Variants in CDH8 observed in about 807,000 individuals in gnomAD.
CDH8 encodes cadherin 8.
In CDH8, 17 loss-of-function variants were observed where a neutral mutation model predicts 68.1. The observed-to-expected ratio is 0.25, with a 90% confidence interval of 0.17 to 0.37. The LOEUF (loss-of-function observed/expected upper bound fraction) is 0.37, where lower values mean the gene tolerates loss of function less well. Among genes scored for constraint, CDH8 ranks in the 10% least tolerant of loss-of-function variants. The pLI, the probability that CDH8 is intolerant of heterozygous loss-of-function variation, is 1.00. For missense variants in CDH8, 763 were observed against 999.3 expected (o/e 0.76, Z 3.19); for synonymous variants, 372 against 365.1 (o/e 1.02, Z -0.21).
intron 8 of CDH8, among the ~76,000 whole-genome samples, chr16:61,784,033 G>A (rs923971480): frequency 2.6e-5 from 4 of 151,900 alleles, no homozygotes; most frequent in East Asian, 1.9e-4. Context: ...ATCAACTAAC[G>A]AGCAAAATCA....
intron 7 of CDH8, among the ~76,000 whole-genome samples, chr16:61,793,385 A>AT (rs1245291192): frequency 4.6e-5 from 7 of 151,462 alleles, no homozygotes; most frequent in Non-Finnish European, 2.9e-5. Context: ...TCCATTAGTT[A>AT]TTTTTTCTGA....
In CDH8 at chr16:61,647,999, A is replaced by T. The variant is rs1963241983; in HGVS notation, c.*5609T>A. On this transcript the variant is annotated 3_prime_UTR_variant, in exon 12 of 12. Transcript: ENST00000577390. ...GGTGGCAGGTAACTCAAGTTGGGGA[A>T]ATAGTACCCAAAGGCACTATTTTCA... The T allele has an allele frequency of 1.6e-6, 1 of 611,134 alleles. No individual in the cohort carries two copies. The allele number at this position is 611,134 out of a possible 1,614,324, so 37.9% of individuals were successfully genotyped here. A position where few individuals can be genotyped will look rare whatever the true frequency, so the allele number is the denominator to read the frequency against.
intron 10 of CDH8, among the ~76,000 whole-genome samples, chr16:61,703,104 C>T (rs183451943): frequency 6.6e-4 from 101 of 152,156 alleles, no homozygotes; most frequent in Non-Finnish European, 1.1e-3. Context: ...TGTAAACATG[C>T]TTCCTAATTT....
chr16:61,991,091 T>G (rs1278878334), intron 2 of CDH8, among the ~76,000 whole-genome samples: 1 of 152,168 alleles, frequency 6.6e-6, no homozygotes, highest in African/African-American at 2.4e-5. Context: ...GACTCTCACC[T>G]CTGTGACTCC....
intron 2 of CDH8, among the ~76,000 whole-genome samples, chr16:61,942,990 G>A (rs1964747206): frequency 6.6e-6 from 1 of 152,148 alleles, no homozygotes; most frequent in African/African-American, 2.4e-5. Flanking sequence ...AGTCCGGGAG[G>A]CAGAGGTTGC....
intron 9 of CDH8, among the ~76,000 whole-genome samples, chr16:61,724,938 A>G (rs1435969774): frequency 6.6e-6 from 1 of 150,886 alleles, no homozygotes; most frequent in Non-Finnish European, 1.5e-5. Flanking sequence ...AAGGAATAAA[A>G]CCTGAATTCT....
At position 62,036,429 on chromosome 16, in the gene CDH8, A is replaced by G. The variant is rs1902462512; in HGVS notation, c.-549T>C. On this transcript the variant is annotated 5_prime_UTR_variant, in exon 1 of 12. Transcript: ENST00000577390. ...GCGTGCGAGCCCGCCTGCCTGCCAA[A>G]TGTAACTGTGAAGTGATGTGGAAAA... 1 of 152,498 alleles carries G rather than the reference A, an allele frequency of 6.6e-6. No individual in the cohort carries two copies. Among genetic ancestry groups the G allele is most frequent in the Admixed American group, 6.5e-5 (1 of 15,288 alleles). 9.4% of individuals were successfully genotyped at this position (152,498 alleles called of 1,614,324 possible). A position where few individuals can be genotyped will look rare whatever the true frequency, so the allele number is the denominator to read the frequency against.
rs1272440631 is a variant in CDH8, at chr16:62,021,244, G to T, written c.160C>A (p.Arg54=). The T allele has an allele frequency of 6.2e-7, 1 of 1,613,934 alleles. No homozygotes were observed. The highest frequency in any genetic ancestry group is 8.5e-7 in the Non-Finnish European group (1 of 1,179,930). Residue 54 remains arginine, a synonymous_variant, in exon 2 of 12, where the codon CGA becomes AGA. Transcript: ENST00000577390. ...LELNSLGEEQ[R]ILNRSKRGWV... Reference sequence around the variant, plus strand: ...CCTCTTTTGGAGCGGTTCAAAATTCGCTGTTCTTCACCCAGACTGTTTAGT... The same window carrying T: ...CCTCTTTTGGAGCGGTTCAAAATTCTCTGTTCTTCACCCAGACTGTTTAGT...
chr16:61,817,903 T>C, intron 6 of CDH8, 171 bp from the exon 7 acceptor site: 1 of 546,706 alleles, frequency 1.8e-6, no homozygotes, highest in Non-Finnish European at 3.2e-6. Context: ...TGGGCATTTA[T>C]TTATGTCTGT....
chr16:61,959,790 G>A (rs1965055764), intron 2 of CDH8, among the ~76,000 whole-genome samples: 1 of 144,602 alleles, frequency 6.9e-6, no homozygotes, highest in African/African-American at 2.6e-5. Flanking sequence ...GGGAGGATAT[G>A]GTCATTATAC....
chr16:61,803,351 G>A (rs1460054189), intron 7 of CDH8, among the ~76,000 whole-genome samples: 5 of 133,144 alleles, frequency 3.8e-5, no homozygotes, highest in South Asian at 2.5e-4. Flanking sequence ...GGTACCAGCC[G>A]CTGCAAAATC....
At position 61,777,907 on chromosome 16, in the gene CDH8, A is replaced by C. The variant is rs183412412; in HGVS notation, c.1414+11439T>G. 5.1e-3 allele frequency among the ~76,000 whole-genome samples: 776 copies of C among 152,098 alleles called. 2 individuals are homozygous for C. Among genetic ancestry groups the C allele is most frequent in the Non-Finnish European group, 6.1e-3 (416 of 67,968 alleles). Reference sequence around the variant, plus strand: ...CCCAGGAATCTGTAGCTTCCCTTTAACTTTCCATATTTTAGTTTTCACTTT... The same window carrying C: ...CCCAGGAATCTGTAGCTTCCCTTTACCTTTCCATATTTTAGTTTTCACTTT... On this transcript the variant is annotated intron_variant, in intron 8 of 11. Coordinates refer to ENST00000577390, the MANE Select transcript of CDH8 (RefSeq NM_001796.5).
At chr16:61,956,309 T>G (rs1964988621) in intron 2 of CDH8, among the ~76,000 whole-genome samples, 1 of 152,172 alleles carries the variant, frequency 6.6e-6, no homozygotes, top group African/African-American at 2.4e-5. Context: ...ATGTGTTTGT[T>G]TTGTTCTAAA....
chr16:61,672,525 C>T (rs1051784035), intron 10 of CDH8, among the ~76,000 whole-genome samples: 1 of 151,862 alleles, frequency 6.6e-6, no homozygotes, highest in African/African-American at 2.4e-5. Flanking sequence ...TGTTATTCCA[C>T]CTAAAGTGTT....
In CDH8 at chr16:61,650,700, T is replaced by TGAGAGA. The variant is rs1225748170; in HGVS notation, c.*2907_*2908insTCTCTC. 3.1e-5 allele frequency: 3 copies of TGAGAGA among 95,952 alleles called. No individual in the cohort carries two copies. The highest frequency in any genetic ancestry group is 1.4e-4 in the African/African-American group (3 of 20,750). 5.9% of individuals were successfully genotyped at this position (95,952 alleles called of 1,614,324 possible). On this transcript the variant is annotated 3_prime_UTR_variant, in exon 12 of 12. Coordinates refer to ENST00000577390, the MANE Select transcript of CDH8 (RefSeq NM_001796.5). The stretch of plus-strand genomic sequence containing the variant: ...GTGTGTGTGTGTGTGTGTGTGTGTG[T>TGAGAGA]GTGTGTGAGAGAGAGAGAGAGAGAG...
chr16:61,669,786 A>G (rs1963754522), intron 10 of CDH8, among the ~76,000 whole-genome samples: 1 of 152,062 alleles, frequency 6.6e-6, no homozygotes, highest in East Asian at 1.9e-4. Context: ...AAGAAGAAAA[A>G]GCTAGTTTGT....
intron 3 of CDH8, among the ~76,000 whole-genome samples, chr16:61,881,410 T>C (rs1375788220): frequency 6.6e-6 from 1 of 151,648 alleles, no homozygotes; most frequent in African/African-American, 2.4e-5. Context: ...AAAGAGAGGG[T>C]AGGGGTTGTG....
chr16:61,695,077 C>G (rs1336184675), intron 10 of CDH8, among the ~76,000 whole-genome samples: 2 of 151,942 alleles, frequency 1.3e-5, no homozygotes, highest in Non-Finnish European at 2.9e-5. Flanking sequence ...CCATGCCCGG[C>G]CTTCTTCTTC....
At chr16:61,988,606 C>A (rs771903641) in intron 2 of CDH8, among the ~76,000 whole-genome samples, 33 of 151,698 alleles carry the variant, frequency 2.2e-4, no homozygotes, top group Middle Eastern at 3.4e-3. Flanking sequence ...AACAAACAAA[C>A]AAAAAAAGGT....
Sources: allele counts gnomAD v4.1 joint callset (sites outside exome capture counted in the v4.1 genomes callset), GRCh38; gene constraint gnomAD v4.1.1; transcripts MANE v1.5; gene names NCBI Gene and HGNC (gene_info 2026-07-23, HGNC 2026-07-21).